CNTNAP2: variants seen among roughly 807,000 people sequenced by gnomAD.
CNTNAP2 encodes contactin-associated protein-like 2.
CNTNAP2 carries 98 observed loss-of-function variants against 155.2 expected under a neutral mutation model. That is an observed-to-expected ratio of 0.63 (90% CI 0.54 to 0.75). CNTNAP2 has a LOEUF of 0.75. Among genes scored for constraint, CNTNAP2 ranks in the 30% least tolerant of loss-of-function variants. The pLI is 0.00. For synonymous variants in CNTNAP2, 651 were observed against 631.2 expected, an observed-to-expected ratio of 1.03 and a Z score of -0.47; for missense variants, 1,727 against 1,688.1, an observed-to-expected ratio of 1.02 and a Z score of -0.40.
At chr7:147,056,268 T>C (rs1267258002) in intron 4 of CNTNAP2, among the ~76,000 whole-genome samples, 1 of 152,234 alleles carries the variant, frequency 6.6e-6, no homozygotes, top group Non-Finnish European at 1.5e-5. Flanking sequence ...TAGCTGTATG[T>C]GCTCTTTTAA....
chr7:146,932,435 G>C (rs544246303), intron 3 of CNTNAP2, among the ~76,000 whole-genome samples: 1 of 150,790 alleles, frequency 6.6e-6, no homozygotes, highest in Non-Finnish European at 1.5e-5. Flanking sequence ...TGGGATGTAT[G>C]GCAAAATAAT....
At chr7:146,649,780 CT>C (rs1385111355) in intron 1 of CNTNAP2, among the ~76,000 whole-genome samples, 2 of 151,998 alleles carry the variant, frequency 1.3e-5, no homozygotes, top group Non-Finnish European at 2.9e-5. Context: ...GGCTTTTTCT[CT>C]TCCTATTTCT....
At chr7:148,002,612 A>G (rs1270968283) in intron 15 of CNTNAP2, among the ~76,000 whole-genome samples, 1 of 152,192 alleles carries the variant, frequency 6.6e-6, no homozygotes, top group Non-Finnish European at 1.5e-5. Flanking sequence ...TGACACATTT[A>G]ATTTTGCCCA....
chr7:147,069,911 A>G (rs1340745005), intron 4 of CNTNAP2, among the ~76,000 whole-genome samples: 2 of 152,214 alleles, frequency 1.3e-5, no homozygotes, highest in Admixed American at 1.3e-4. Flanking sequence ...TTTAAATTTA[A>G]GTTCAATTAA....
intron 1 of CNTNAP2, among the ~76,000 whole-genome samples, chr7:146,563,447 C>G (rs1249380645): frequency 2.0e-5 from 3 of 152,026 alleles, no homozygotes; most frequent in Non-Finnish European, 4.4e-5. Context: ...TCCTCAGACC[C>G]CAGAGACAAA....
intron 15 of CNTNAP2, among the ~76,000 whole-genome samples, chr7:148,055,015 T>C (rs554913322): frequency 1.3e-5 from 2 of 152,078 alleles, no homozygotes; most frequent in African/African-American, 4.8e-5. Flanking sequence ...CCCAAGTAGC[T>C]GGGATTACAA....
At chr7:147,838,123 A>G (rs1209100397) in intron 13 of CNTNAP2, among the ~76,000 whole-genome samples, 3 of 152,134 alleles carry the variant, frequency 2.0e-5, no homozygotes, top group South Asian at 4.1e-4. Flanking sequence ...CTCTGAAACC[A>G]TTGTCCAACC....
At chr7:146,151,635 G>GATATATATATATACATATATATATATAT (rs1562968838) in intron 1 of CNTNAP2, among the ~76,000 whole-genome samples, 1 of 36,406 alleles carries the variant, frequency 2.7e-5, no homozygotes, top group Non-Finnish European at 5.4e-5. Context: ...AAGAAAACGT[G>GATATATATATATACATATATATATATAT]ATATATATAT....
intron 1 of CNTNAP2, among the ~76,000 whole-genome samples, chr7:146,706,989 AT>A (rs1800976995): frequency 6.6e-6 from 1 of 152,218 alleles, no homozygotes; most frequent in East Asian, 1.9e-4. Context: ...AAAATTCTAC[AT>A]TAGTGCTTGG....
At chr7:148,050,971 T>A (rs1319077910) in intron 15 of CNTNAP2, among the ~76,000 whole-genome samples, 3 of 152,204 alleles carry the variant, frequency 2.0e-5, no homozygotes, top group African/African-American at 7.2e-5. Context: ...CATTCTGTGA[T>A]GTTTGCATGA....
chr7:146,195,659 G>T (rs1012462499), intron 1 of CNTNAP2, among the ~76,000 whole-genome samples: 9 of 152,102 alleles, frequency 5.9e-5, no homozygotes, highest in Non-Finnish European at 1.3e-4. Flanking sequence ...GAACAATATT[G>T]GTGTCAGGAT....
intron 1 of CNTNAP2, among the ~76,000 whole-genome samples, chr7:146,277,770 T>G (rs997058104): frequency 6.6e-6 from 1 of 152,154 alleles, no homozygotes; most frequent in African/African-American, 2.4e-5. Context: ...GCCAATGAAC[T>G]AATGGACTCC....
chr7:146,928,608 G>C (rs1040988846), intron 3 of CNTNAP2, among the ~76,000 whole-genome samples: 1 of 152,092 alleles, frequency 6.6e-6, no homozygotes, highest in Non-Finnish European at 1.5e-5. Context: ...GCAGCGCACC[G>C]TGCACGAGCC....
intron 13 of CNTNAP2, among the ~76,000 whole-genome samples, chr7:147,681,973 C>A (rs1165103798): frequency 3.3e-5 from 5 of 151,466 alleles, no homozygotes; most frequent in Admixed American, 3.3e-4. Flanking sequence ...GTGGAGAGAT[C>A]TTCTGAAAAA....
Position 146,257,981 on chromosome 7 carries a change from C to T in CNTNAP2, c.97+141008C>T, listed in dbSNP as rs573707538. Among the ~76,000 whole-genome samples, 5 of 151,956 alleles carry T rather than the reference C, an allele frequency of 3.3e-5. No homozygotes were observed. The East Asian group carries it at 9.7e-4, about 29-fold the overall frequency. ...CCTCAGCTCACTGCAGCCTCCACCT[C>T]CTGGGTTCAAGCGATTCTCCTGTCT... On this transcript the variant is annotated intron_variant, in intron 1 of 23. Transcript: ENST00000361727.
At chr7:147,707,079 T>C (rs1563059827) in intron 13 of CNTNAP2, among the ~76,000 whole-genome samples, 2 of 152,230 alleles carry the variant, frequency 1.3e-5, no homozygotes, top group African/African-American at 4.8e-5. Context: ...TCACTGAGTT[T>C]CCTTAATATC....
chr7:146,727,409 T>C (rs1801449969), intron 1 of CNTNAP2, among the ~76,000 whole-genome samples: 1 of 152,168 alleles, frequency 6.6e-6, no homozygotes, highest in South Asian at 2.1e-4. Flanking sequence ...CTGAGGAGAA[T>C]GATGCTTTAG....
intron 1 of CNTNAP2, among the ~76,000 whole-genome samples, chr7:146,401,308 C>T (rs560749123): frequency 6.6e-6 from 1 of 151,642 alleles, no homozygotes; most frequent in African/African-American, 2.4e-5. Flanking sequence ...ATTTTTCAGT[C>T]GATATGGCCA....
chr7:147,050,085 T>A (rs1335112085), intron 4 of CNTNAP2, among the ~76,000 whole-genome samples: 1 of 152,178 alleles, frequency 6.6e-6, no homozygotes, highest in Non-Finnish European at 1.5e-5. Flanking sequence ...TACGTTTGGT[T>A]TTCCCTCAAG....
Sources: gnomAD v4.1 joint callset for allele counts (sites outside exome capture counted in the v4.1 genomes callset) on GRCh38, gnomAD v4.1.1 for gene constraint, MANE v1.5 for transcripts, NCBI Gene and HGNC (gene_info 2026-07-23, HGNC 2026-07-21) for gene names.